CHCHD6: variants seen among roughly 807,000 people sequenced by gnomAD.
The protein encoded by CHCHD6 is MICOS complex subunit MIC25.
CHCHD6 carries 28 observed loss-of-function variants against 32.3 expected under a neutral mutation model. That is an observed-to-expected ratio of 0.87 (90% CI 0.64 to 1.19). CHCHD6 has a LOEUF of 1.19. CHCHD6 is among the 50% of genes most tolerant of loss of function. The pLI is 0.00. For synonymous variants in CHCHD6, 122 were observed against 117.5 expected (o/e 1.04, Z -0.25); for missense variants, 333 against 307.0 (o/e 1.08, Z -0.63).
intron 4 of CHCHD6, among the ~76,000 whole-genome samples, chr3:126,773,965 A>G (rs895755305): frequency 6.6e-6 from 1 of 151,596 alleles, no homozygotes; most frequent in Non-Finnish European, 1.5e-5. Context: ...CTGTCCCACC[A>G]TTTTTCTCTT....
intron 4 of CHCHD6, among the ~76,000 whole-genome samples, chr3:126,844,870 A>G (rs908784993): frequency 1.3e-4 from 20 of 152,156 alleles, no homozygotes; most frequent in African/African-American, 4.6e-4. Flanking sequence ...AGAAAAGAAG[A>G]TATGATAAGG....
intron 6 of CHCHD6, among the ~76,000 whole-genome samples, chr3:126,937,208 C>G (rs930753453): frequency 6.6e-6 from 1 of 152,236 alleles, no homozygotes; most frequent in Non-Finnish European, 1.5e-5. Context: ...TGTTCTGGCT[C>G]GAGTCCACTG....
Position 126,957,556 on chromosome 3 carries a change from G to A in CHCHD6, c.702+5G>A, listed in dbSNP as rs1037636911. The stretch of plus-strand genomic sequence containing the variant: ...TGCGTGAGCGCCGCCCACAAGGTAA[G>A]GCCTTGCCTGCCTCCCAGGTTTCCA... On this transcript the variant is annotated splice_donor_5th_base_variant and intron_variant, in intron 7 of 7. Transcript: ENST00000290913. The A allele has an allele frequency of 1.9e-6, 3 of 1,559,868 alleles. No individual in the cohort carries two copies. The Admixed American group carries it at 5.7e-5, about 30-fold the overall frequency.
chr3:126,786,640 C>G (rs1411888887), intron 4 of CHCHD6, among the ~76,000 whole-genome samples: 1 of 152,164 alleles, frequency 6.6e-6, no homozygotes, highest in Admixed American at 6.5e-5. Context: ...TGAGAAGTGT[C>G]TGTTCATATC....
intron 4 of CHCHD6, among the ~76,000 whole-genome samples, chr3:126,733,560 C>A (rs759145102): frequency 6.6e-6 from 1 of 152,140 alleles, no homozygotes; most frequent in Admixed American, 6.5e-5. Context: ...GTGTCAGGAG[C>A]GTGTGAGGGC....
At chr3:126,753,958 G>A (rs1936841127) in intron 4 of CHCHD6, among the ~76,000 whole-genome samples, 1 of 152,222 alleles carries the variant, frequency 6.6e-6, no homozygotes, top group Admixed American at 6.5e-5. Context: ...TGGGAAGGTG[G>A]TGTATAAATT....
At chr3:126,932,183 C>T (rs557849325) in intron 6 of CHCHD6, among the ~76,000 whole-genome samples, 15 of 152,318 alleles carry the variant, frequency 9.8e-5, no homozygotes, top group African/African-American at 3.4e-4. Context: ...CTGCCCGTAG[C>T]ACCTCTCGGT....
chr3:126,871,939 A>G (rs1395930067), intron 5 of CHCHD6, among the ~76,000 whole-genome samples: 2 of 152,192 alleles, frequency 1.3e-5, no homozygotes, highest in Admixed American at 6.5e-5. Context: ...TGCTGGGATC[A>G]CAGGCATGAA....
intron 5 of CHCHD6, among the ~76,000 whole-genome samples, chr3:126,861,110 A>G (rs1030008196): frequency 1.3e-5 from 2 of 152,146 alleles, no homozygotes; most frequent in South Asian, 4.1e-4. Context: ...AATAAAGGAC[A>G]TAACCTACAG....
rs1348754049 is a variant in CHCHD6 at position 126,957,559 on chromosome 3, C to A, written c.702+8C>A. The A allele has an allele frequency of 2.6e-6, 4 of 1,558,374 alleles. No homozygotes were observed. The African/African-American group carries it at 5.4e-5, about 21-fold the overall frequency. The stretch of plus-strand genomic sequence containing the variant: ...GTGAGCGCCGCCCACAAGGTAAGGC[C>A]TTGCCTGCCTCCCAGGTTTCCAAGG... On this transcript the variant is annotated splice_region_variant and intron_variant, in intron 7 of 7. Coordinates refer to ENST00000290913, the MANE Select transcript of CHCHD6 (RefSeq NM_032343.3).
At chr3:126,948,633 C>T (rs1247605093) in intron 6 of CHCHD6, among the ~76,000 whole-genome samples, 1 of 152,202 alleles carries the variant, frequency 6.6e-6, no homozygotes, top group Non-Finnish European at 1.5e-5. Flanking sequence ...AACCCACTAA[C>T]CTTTGCACAT....
At chr3:126,806,022 C>T (rs925827554) in intron 4 of CHCHD6, among the ~76,000 whole-genome samples, 2 of 152,182 alleles carry the variant, frequency 1.3e-5, no homozygotes, top group African/African-American at 4.8e-5. Context: ...AACTGGATCC[C>T]TTCCTTACAC....
intron 4 of CHCHD6, among the ~76,000 whole-genome samples, chr3:126,788,591 A>G (rs1938352532): frequency 1.3e-5 from 2 of 152,150 alleles, no homozygotes; most frequent in Non-Finnish European, 2.9e-5. Context: ...CATTTCTTCT[A>G]GATTTTCTAG....
chr3:126,717,098 C>T (rs559696166), intron 1 of CHCHD6, among the ~76,000 whole-genome samples: 3 of 152,138 alleles, frequency 2.0e-5, no homozygotes, highest in Non-Finnish European at 4.4e-5. Flanking sequence ...GGCGGCTTTC[C>T]CTGCAGTCAG....
At chr3:126,743,737 C>G (rs938664684) in intron 4 of CHCHD6, among the ~76,000 whole-genome samples, 1 of 152,178 alleles carries the variant, frequency 6.6e-6, no homozygotes, top group African/African-American at 2.4e-5. Context: ...GAGGGGTGAT[C>G]TGAGCCATCT....
intron 4 of CHCHD6, among the ~76,000 whole-genome samples, chr3:126,745,386 C>T (rs1936454271): frequency 6.6e-6 from 1 of 152,180 alleles, no homozygotes; most frequent in Non-Finnish European, 1.5e-5. Flanking sequence ...AAATGGCACA[C>T]CTCTCCTGGA....
chr3:126,940,613 A>G (rs1201283127), intron 6 of CHCHD6, among the ~76,000 whole-genome samples: 1 of 152,230 alleles, frequency 6.6e-6, no homozygotes, highest in African/African-American at 2.4e-5. Context: ...ACAGGTTTAT[A>G]TGCTTACATT....
At chr3:126,738,750 T>C (rs1313700760) in intron 4 of CHCHD6, among the ~76,000 whole-genome samples, 1 of 152,204 alleles carries the variant, frequency 6.6e-6, no homozygotes, top group Non-Finnish European at 1.5e-5. Flanking sequence ...CAGCCTTCTA[T>C]AGAATGGGTG....
chr3:126,805,125 C>T (rs986888527), intron 4 of CHCHD6, among the ~76,000 whole-genome samples: 3 of 152,146 alleles, frequency 2.0e-5, no homozygotes, highest in Non-Finnish European at 4.4e-5. Context: ...GAAGCATTCC[C>T]TTTGAAAACT....
Sources: gnomAD v4.1 joint callset for allele counts (sites outside exome capture counted in the v4.1 genomes callset) on GRCh38, gnomAD v4.1.1 for gene constraint, MANE v1.5 for transcripts, NCBI Gene and HGNC (gene_info 2026-07-23, HGNC 2026-07-21) for gene names.